LDB2: variants seen among roughly 807,000 people sequenced by gnomAD.
LDB2 encodes LIM domain binding 2.
A neutral mutation model predicts 44.3 loss-of-function variants in LDB2; 12 were observed. That is an observed-to-expected ratio of 0.27 (90% CI 0.17 to 0.44). The LOEUF is 0.44. Among genes scored for constraint, LDB2 ranks in the 20% least tolerant of loss-of-function variants. LDB2 has a pLI of 1.00. For missense variants in LDB2, 344 were observed against 473.5 expected, an observed-to-expected ratio of 0.73 and a Z score of 2.54; for synonymous variants, 164 against 174.8, an observed-to-expected ratio of 0.94 and a Z score of 0.49.
At position 16,674,283 on chromosome 4, in the gene LDB2, T is replaced by C. The variant is rs1195531144; in HGVS notation, c.236-78408A>G. The stretch of plus-strand genomic sequence containing the variant: ...ATCTGGTTCCGAATCCCCGAGCTGG[T>C]TGCAGTTTCCTCTGGCATCTGCCGC... On this transcript the variant is annotated intron_variant, in intron 2 of 7. Transcript: ENST00000304523. 3.1e-6 allele frequency: 4 copies of C among 1,288,718 alleles called. No homozygotes were observed. The African/African-American group carries it at 4.5e-5, about 15-fold the overall frequency. 79.8% of individuals were successfully genotyped at this position (1,288,718 alleles called of 1,614,324 possible). A position where few individuals can be genotyped will look rare whatever the true frequency, so the allele number is the denominator to read the frequency against.
intron 5 of LDB2, among the ~76,000 whole-genome samples, chr4:16,515,171 G>C (rs1335715201): frequency 6.6e-6 from 1 of 152,150 alleles, no homozygotes; most frequent in Non-Finnish European, 1.5e-5. Context: ...TATCCTAAGT[G>C]ACTGAACACA....
intron 2 of LDB2, among the ~76,000 whole-genome samples, chr4:16,684,664 G>T (rs1278488458): frequency 6.6e-6 from 1 of 152,116 alleles, no homozygotes; most frequent in Non-Finnish European, 1.5e-5. Flanking sequence ...AATATATTCA[G>T]GTTTTAGCCC....
intron 2 of LDB2, among the ~76,000 whole-genome samples, chr4:16,661,138 G>A (rs905613249): frequency 3.3e-5 from 5 of 152,084 alleles, no homozygotes; most frequent in Admixed American, 1.3e-4. Context: ...ATAGTACATT[G>A]TACAAGATTC....
chr4:16,734,122 A>G (rs1347079241), intron 2 of LDB2, among the ~76,000 whole-genome samples: 1 of 152,194 alleles, frequency 6.6e-6, no homozygotes, highest in Non-Finnish European at 1.5e-5. Context: ...TGGCTGGATT[A>G]AATAAGATGC....
chr4:16,800,086 G>A (rs7680225), intron 1 of LDB2, among the ~76,000 whole-genome samples: 1,584 of 152,094 alleles, frequency 0.01, 28 homozygotes, highest in African/African-American at 0.035. Flanking sequence ...CGAGAGTGGC[G>A]GAGCTGGGAA....
intron 1 of LDB2, among the ~76,000 whole-genome samples, chr4:16,767,458 CAT>C (rs962892469): frequency 2.6e-5 from 4 of 152,190 alleles, no homozygotes; most frequent in Non-Finnish European, 4.4e-5. Flanking sequence ...TGCCCGAACT[CAT>C]GTGTAGATTG....
chr4:16,651,778 C>G (rs938348266), intron 2 of LDB2, among the ~76,000 whole-genome samples: 1 of 152,056 alleles, frequency 6.6e-6, no homozygotes, highest in African/African-American at 2.4e-5. Context: ...TCAACATATT[C>G]CCTTCCAATA....
chr4:16,731,315 A>G (rs1760703219), intron 2 of LDB2, among the ~76,000 whole-genome samples: 1 of 152,138 alleles, frequency 6.6e-6, no homozygotes, highest in Admixed American at 6.5e-5. Flanking sequence ...ATATGGGTTC[A>G]CTTATTGCTA....
chr4:16,782,006 CGA>C (rs1246320032), intron 1 of LDB2, among the ~76,000 whole-genome samples: 2 of 152,160 alleles, frequency 1.3e-5, no homozygotes, highest in Admixed American at 1.3e-4. Context: ...TCCAGAACTG[CGA>C]GAGAGTGAAT....
intron 1 of LDB2, among the ~76,000 whole-genome samples, chr4:16,862,578 A>T (rs1438794771): frequency 7.5e-6 from 1 of 132,986 alleles, no homozygotes; most frequent in East Asian, 2.5e-4. Context: ...GGTTGCAGTG[A>T]GCCGAGATCA....
intron 1 of LDB2, among the ~76,000 whole-genome samples, chr4:16,766,263 G>A (rs1347624352): frequency 6.6e-6 from 1 of 151,594 alleles, no homozygotes; most frequent in Non-Finnish European, 1.5e-5. Context: ...CTCATATACA[G>A]TCCTATTTTG....
At position 16,533,280 on chromosome 4, in the gene LDB2, G is replaced by C. The variant is rs889565503; in HGVS notation, c.616-21176C>G. Among the ~76,000 whole-genome samples the C allele has an allele frequency of 2.0e-5, 3 of 151,714 alleles. No individual in the cohort carries two copies. Among genetic ancestry groups the C allele is most frequent in the African/African-American group, 7.3e-5 (3 of 41,366 alleles). ...CCTCAAGCCTCGGTGCTATCAACAT[G>C]TGATTAACCTCTAGTCTGAGGTTAA... is the stretch of plus-strand genomic sequence containing the variant. On this transcript the variant is annotated intron_variant, in intron 5 of 7. Transcript: ENST00000304523. This position sits in a 1 kb window ranked among gnomAD's most constrained non-coding sequence, Gnocchi z 4.1.
intron 2 of LDB2, among the ~76,000 whole-genome samples, chr4:16,747,681 T>C (rs1207170297): frequency 6.6e-6 from 1 of 152,172 alleles, no homozygotes; most frequent in African/African-American, 2.4e-5. Context: ...AATCTTTTTT[T>C]CAAAGCTTGA....
At chr4:16,561,892 C>A (rs1742461098) in intron 5 of LDB2, among the ~76,000 whole-genome samples, 1 of 152,122 alleles carries the variant, frequency 6.6e-6, no homozygotes, top group South Asian at 2.1e-4. Flanking sequence ...TGGAACAGAA[C>A]AGAGCCCTCA....
chr4:16,746,639 T>C (rs1279343614), intron 2 of LDB2, among the ~76,000 whole-genome samples: 1 of 152,086 alleles, frequency 6.6e-6, no homozygotes, highest in African/African-American at 2.4e-5. Context: ...ATACAAAAAT[T>C]AGCTGGGCAT....
chr4:16,861,470 A>G (rs1445192904), intron 1 of LDB2, among the ~76,000 whole-genome samples: 2 of 152,216 alleles, frequency 1.3e-5, no homozygotes. Context: ...CGGGACCATC[A>G]CTATACTGCT....
intron 5 of LDB2, among the ~76,000 whole-genome samples, chr4:16,579,083 C>T (rs1328436685): frequency 4.6e-5 from 7 of 151,756 alleles, no homozygotes; most frequent in Non-Finnish European, 8.8e-5. Flanking sequence ...TAATTGGTGC[C>T]CAAACAGAGT....
intron 6 of LDB2, 132 bp from the exon 7 acceptor site, chr4:16,508,818 T>A: frequency 1.2e-6 from 1 of 842,282 alleles, no homozygotes; most frequent in Non-Finnish European, 1.7e-6. Context: ...CCATTTCTTA[T>A]AGCTTTAGAA....
At chr4:16,816,617 G>T (rs758016105) in intron 1 of LDB2, among the ~76,000 whole-genome samples, 4 of 151,862 alleles carry the variant, frequency 2.6e-5, no homozygotes, top group Non-Finnish European at 5.9e-5. Context: ...CACCATGTTT[G>T]CCAGGATGGT....
Sources: allele counts gnomAD v4.1 joint callset (sites outside exome capture counted in the v4.1 genomes callset), GRCh38; gene constraint gnomAD v4.1.1; non-coding constraint Gnocchi (gnomAD v3.1); transcripts MANE v1.5; gene names NCBI Gene and HGNC (gene_info 2026-07-23, HGNC 2026-07-21).